DLG2: variants seen among roughly 807,000 people sequenced by gnomAD.
DLG2 encodes the protein disks large homolog 2.
In DLG2, 45 loss-of-function variants were observed where a neutral mutation model predicts 132.5. The observed-to-expected ratio is 0.34, with a 90% CI of 0.27 to 0.44. The LOEUF is 0.44. Among genes scored for constraint, DLG2 ranks in the 20% least tolerant of loss-of-function variants. The pLI, the probability that DLG2 is intolerant of heterozygous loss-of-function variation, is 1.00. For missense variants in DLG2, 1,045 were observed against 1,196.9 expected (o/e 0.87, Z 1.87); for synonymous variants, 424 against 419.6 (o/e 1.01, Z -0.13).
intron 14 of DLG2, among the ~76,000 whole-genome samples, chr11:83,953,765 A>G (rs997981879): frequency 2.0e-5 from 3 of 152,150 alleles, no homozygotes; most frequent in African/African-American, 7.2e-5. Context: ...CACAGTATAA[A>G]TCCTCTTTCA....
chr11:83,628,040 C>T (rs59982874), intron 19 of DLG2, among the ~76,000 whole-genome samples: 36,697 of 151,680 alleles, frequency 0.24, 4,667 homozygotes, highest in African/African-American at 0.33. Flanking sequence ...TCATATCCTT[C>T]GCCCACTTTT....
At chr11:84,218,233 A>G (rs2096862980) in intron 8 of DLG2, among the ~76,000 whole-genome samples, 1 of 148,106 alleles carries the variant, frequency 6.8e-6, no homozygotes, top group East Asian at 2.0e-4. Flanking sequence ...GGAAGGAAGG[A>G]AGGAAAGGAA....
At chr11:84,605,019 T>A (rs1193596048) in intron 6 of DLG2, among the ~76,000 whole-genome samples, 1 of 151,948 alleles carries the variant, frequency 6.6e-6, no homozygotes, top group East Asian at 1.9e-4. Flanking sequence ...GAGATAGAAG[T>A]TACTGTTTGG....
chr11:84,643,630 C>T (rs1227768562), intron 6 of DLG2, among the ~76,000 whole-genome samples: 3 of 152,152 alleles, frequency 2.0e-5, no homozygotes, highest in Non-Finnish European at 4.4e-5. Flanking sequence ...AGATTTCACC[C>T]ATAACTTGAG....
intron 7 of DLG2, among the ~76,000 whole-genome samples, chr11:84,491,418 G>A (rs1255048684): frequency 6.6e-6 from 1 of 152,082 alleles, no homozygotes; most frequent in Admixed American, 6.6e-5. Context: ...CGCCAGCCAG[G>A]TAGAACTGTA....
intron 22 of DLG2, among the ~76,000 whole-genome samples, chr11:83,481,366 A>C (rs2093089631): frequency 6.6e-6 from 1 of 151,180 alleles, no homozygotes; most frequent in African/African-American, 2.4e-5. Context: ...TTATTTGTAT[A>C]TTACTTTAAT....
chr11:83,747,318 T>G (rs376589318), intron 18 of DLG2, among the ~76,000 whole-genome samples: 68 of 122,884 alleles, frequency 5.5e-4, no homozygotes, highest in African/African-American at 9.4e-4. Context: ...CTTCCTTCCT[T>G]CCTTCCTTCC....
intron 6 of DLG2, among the ~76,000 whole-genome samples, chr11:84,754,110 G>A (rs1056832328): frequency 6.6e-6 from 1 of 152,156 alleles, no homozygotes; most frequent in Non-Finnish European, 1.5e-5. Context: ...CTCCTTTGAT[G>A]AGCTTTGCTA....
At chr11:85,624,657 T>C (rs538992063) in intron 2 of DLG2, among the ~76,000 whole-genome samples, 18 of 152,316 alleles carry the variant, frequency 1.2e-4, no homozygotes, top group Admixed American at 3.3e-4. Flanking sequence ...TGGCTAGTTG[T>C]CTATAATATT....
At chr11:85,471,329 A>G (rs1444144661) in intron 3 of DLG2, among the ~76,000 whole-genome samples, 1 of 152,208 alleles carries the variant, frequency 6.6e-6, no homozygotes, top group Admixed American at 6.5e-5. Flanking sequence ...TTAAAATCTA[A>G]ACTCACAAAA....
At chr11:84,674,732 T>C (rs1458627580) in intron 6 of DLG2, among the ~76,000 whole-genome samples, 1 of 152,168 alleles carries the variant, frequency 6.6e-6, no homozygotes. Flanking sequence ...AGTCAGGAGT[T>C]AAGCAGCATG....
chr11:85,620,059 T>C (rs1293379249), intron 2 of DLG2, among the ~76,000 whole-genome samples: 5 of 152,248 alleles, frequency 3.3e-5, no homozygotes, highest in African/African-American at 4.8e-5. Flanking sequence ...CAAACAAGTC[T>C]ATCACTGGCA....
intron 19 of DLG2, among the ~76,000 whole-genome samples, chr11:83,581,693 G>A (rs984847834): frequency 2.6e-5 from 4 of 152,094 alleles, no homozygotes; most frequent in African/African-American, 4.8e-5. Flanking sequence ...GTTTTGAAAC[G>A]ATATAACATT....
chr11:85,533,458 C>CATAT (rs34379979), intron 3 of DLG2, among the ~76,000 whole-genome samples: 2,358 of 142,114 alleles, frequency 0.017, 42 homozygotes, highest in African/African-American at 0.045. Flanking sequence ...ACATAAAATA[C>CATAT]ATATATATAT....
chr11:84,460,223 T>C (rs1420672865), intron 7 of DLG2, among the ~76,000 whole-genome samples: 1 of 150,754 alleles, frequency 6.6e-6, no homozygotes, highest in Non-Finnish European at 1.5e-5. Context: ...TTCTAATAGA[T>C]GATTCATCAA....
intron 8 of DLG2, among the ~76,000 whole-genome samples, chr11:84,188,526 T>C (rs1015909375): frequency 6.6e-6 from 1 of 152,180 alleles, no homozygotes; most frequent in Admixed American, 6.5e-5. Context: ...GTTTTTTAAC[T>C]CCTGGTTCCA....
chr11:84,009,645 C>T (rs1455097531), intron 11 of DLG2, among the ~76,000 whole-genome samples: 2 of 151,994 alleles, frequency 1.3e-5, no homozygotes, highest in African/African-American at 4.8e-5. Context: ...GTTAATACTT[C>T]TGTCTAGTTT....
At chr11:83,492,468 T>C (rs1021497832) in intron 21 of DLG2, among the ~76,000 whole-genome samples, 1 of 152,016 alleles carries the variant, frequency 6.6e-6, no homozygotes, top group Non-Finnish European at 1.5e-5. Context: ...AGCTTGAAAC[T>C]TTCCCAGAGT....
intron 6 of DLG2, among the ~76,000 whole-genome samples, chr11:84,863,450 A>G (rs1262907371): frequency 6.6e-6 from 1 of 152,188 alleles, no homozygotes. Flanking sequence ...AATTTGTTGT[A>G]GAAAATGGAA....
Sources: gnomAD v4.1 joint callset for allele counts (sites outside exome capture counted in the v4.1 genomes callset) on GRCh38, gnomAD v4.1.1 for gene constraint, MANE v1.5 for transcripts, NCBI Gene and HGNC (gene_info 2026-07-23, HGNC 2026-07-21) for gene names.